The following GALNTL6 variants were observed in gnomAD, a reference collection of about 807,000 sequenced individuals.
The protein encoded by GALNTL6 is polypeptide N-acetylgalactosaminyltransferase-like 6.
GALNTL6 carries 46 observed loss-of-function variants against 73.7 expected under a neutral mutation model. The ratio of observed to expected loss-of-function variants is 0.62; its 90% CI spans 0.49 to 0.80. The LOEUF is 0.80. Among genes scored for constraint, GALNTL6 ranks in the 30% least tolerant of loss-of-function variants. GALNTL6 has a pLI of 0.00. For synonymous variants in GALNTL6, 259 were observed against 263.7 expected (o/e 0.98, Z 0.17); for missense variants, 604 against 755.0 (o/e 0.80, Z 2.34).
At chr4:172,460,537 C>G (rs1423016996) in intron 5 of GALNTL6, among the ~76,000 whole-genome samples, 1 of 151,946 alleles carries the variant, frequency 6.6e-6, no homozygotes, top group Non-Finnish European at 1.5e-5. Flanking sequence ...AAAGACAACC[C>G]CATCAAAAAG....
At position 171,821,511 on chromosome 4, in the gene GALNTL6, A is replaced by G. The variant is rs185013866; in HGVS notation, c.138+6793A>G. On this transcript the variant is annotated intron_variant, in intron 2 of 12. Transcript: ENST00000506823. ...TCTGGCTTAGTATGTTGTGACATTT[A>G]AGAACTTATGGCTCTTCCCTGGATC... Among the ~76,000 whole-genome samples the G allele has an allele frequency of 5.3e-5, 8 of 152,226 alleles. No homozygotes were observed. The East Asian group carries it at 1.5e-3, about 29-fold the overall frequency.
At chr4:171,998,507 C>T (rs549803104) in intron 2 of GALNTL6, among the ~76,000 whole-genome samples, 30 of 152,180 alleles carry the variant, frequency 2.0e-4, no homozygotes, top group African/African-American at 7.0e-4. Context: ...CCTCTTTAAA[C>T]GTCCTATCTC....
intron 5 of GALNTL6, among the ~76,000 whole-genome samples, chr4:172,579,420 A>C (rs575697255): frequency 6.6e-6 from 1 of 152,278 alleles, no homozygotes; most frequent in East Asian, 1.9e-4. Flanking sequence ...GTATCATGGC[A>C]GATAGTAAAG....
intron 5 of GALNTL6, among the ~76,000 whole-genome samples, chr4:172,404,117 C>T (rs1478401384): frequency 1.3e-5 from 2 of 151,818 alleles, no homozygotes; most frequent in Non-Finnish European, 2.9e-5. Flanking sequence ...TATATACATA[C>T]CCTTAGTTTA....
intron 5 of GALNTL6, among the ~76,000 whole-genome samples, chr4:172,718,774 G>A (rs1397737206): frequency 6.6e-6 from 1 of 152,086 alleles, no homozygotes; most frequent in Non-Finnish European, 1.5e-5. Flanking sequence ...AGAATCTCAG[G>A]ATTTAGGAGT....
intron 4 of GALNTL6, among the ~76,000 whole-genome samples, chr4:172,345,578 C>G (rs1305778766): frequency 6.6e-6 from 1 of 152,068 alleles, no homozygotes; most frequent in Non-Finnish European, 1.5e-5. Flanking sequence ...AGAGTGTTGC[C>G]TATTTGACCA....
At chr4:172,399,631 T>G (rs1350453752) in intron 5 of GALNTL6, among the ~76,000 whole-genome samples, 1 of 152,092 alleles carries the variant, frequency 6.6e-6, no homozygotes, top group East Asian at 1.9e-4. Flanking sequence ...AAATATTATT[T>G]CTTATCTATT....
intron 5 of GALNTL6, among the ~76,000 whole-genome samples, chr4:172,590,797 A>G (rs1276111644): frequency 6.6e-6 from 1 of 152,018 alleles, no homozygotes; most frequent in Non-Finnish European, 1.5e-5. Flanking sequence ...AAAATTCAAC[A>G]CTTTTCTGAC....
chr4:172,294,957 A>G (rs1739614280), intron 3 of GALNTL6, among the ~76,000 whole-genome samples: 1 of 152,210 alleles, frequency 6.6e-6, no homozygotes, highest in South Asian at 2.1e-4. Flanking sequence ...TTCATAGCAA[A>G]TTCTTAACAT....
chr4:172,122,874 T>C (rs532161856), intron 2 of GALNTL6, among the ~76,000 whole-genome samples: 61 of 151,872 alleles, frequency 4.0e-4, no homozygotes, highest in South Asian at 8.4e-4. Context: ...CATAAAAAGG[T>C]TGGACTGGAG....
At chr4:172,230,793 A>G (rs1737036782) in intron 3 of GALNTL6, among the ~76,000 whole-genome samples, 4 of 152,112 alleles carry the variant, frequency 2.6e-5, no homozygotes, top group Admixed American at 2.6e-4. Flanking sequence ...CAGTTTGGTA[A>G]AGACATCTCA....
chr4:172,880,400 A>AC (rs1239814970), intron 7 of GALNTL6, among the ~76,000 whole-genome samples: 106 of 152,158 alleles, frequency 7.0e-4, no homozygotes, highest in African/African-American at 2.3e-3. Context: ...AAGAAGACAG[A>AC]CCCCCCAAAA....
chr4:171,912,490 A>G (rs1256201774), intron 2 of GALNTL6, among the ~76,000 whole-genome samples: 1 of 152,208 alleles, frequency 6.6e-6, no homozygotes, highest in Non-Finnish European at 1.5e-5. Context: ...ACAATATGTG[A>G]TGATAAAATC....
intron 7 of GALNTL6, among the ~76,000 whole-genome samples, chr4:172,869,258 G>A (rs1296814107): frequency 6.6e-6 from 1 of 152,170 alleles, no homozygotes; most frequent in Non-Finnish European, 1.5e-5. Flanking sequence ...TTAAAATGAT[G>A]AATATAAATC....
chr4:172,680,846 G>T (rs570865516), intron 5 of GALNTL6, among the ~76,000 whole-genome samples: 2 of 152,286 alleles, frequency 1.3e-5, no homozygotes, highest in South Asian at 2.1e-4. Flanking sequence ...GAATGCAAGG[G>T]TTACAAAACA....
intron 9 of GALNTL6, among the ~76,000 whole-genome samples, chr4:172,934,871 A>G (rs1376520403): frequency 6.6e-6 from 1 of 152,178 alleles, no homozygotes; most frequent in Non-Finnish European, 1.5e-5. Context: ...CTCAAAGAAG[A>G]GATTCTTCTC....
At chr4:172,854,226 T>G (rs1175142604) in intron 7 of GALNTL6, among the ~76,000 whole-genome samples, 2 of 152,158 alleles carry the variant, frequency 1.3e-5, no homozygotes, top group Non-Finnish European at 2.9e-5. Flanking sequence ...TTGGCCCATA[T>G]CCTACTCTAA....
At position 172,771,756 on chromosome 4, in the gene GALNTL6, TG is replaced by T. The variant is rs564459839; in HGVS notation, c.554-37602del. Among the ~76,000 whole-genome samples, 3 of 152,180 alleles carry T rather than the reference TG, an allele frequency of 2.0e-5. No homozygotes were observed. In the South Asian group the frequency reaches 6.2e-4, roughly 32 times the overall value. On this transcript the variant is annotated intron_variant, in intron 5 of 12. Coordinates refer to ENST00000506823, the MANE Select transcript of GALNTL6 (RefSeq NM_001034845.3). ...CAGACCTACTGTATATAGATGTCTATGGGTTAAGTTTAAGAATTCTTGAGTG... is the reference window on the plus strand; with the variant it reads ...CAGACCTACTGTATATAGATGTCTATGGTTAAGTTTAAGAATTCTTGAGTG...
intron 2 of GALNTL6, among the ~76,000 whole-genome samples, chr4:171,900,330 C>T (rs1737047383): frequency 1.3e-5 from 2 of 152,080 alleles, no homozygotes; most frequent in African/African-American, 4.8e-5. Flanking sequence ...ATTTTTGAGA[C>T]AGAGTCTCAC....
Sources: allele counts gnomAD v4.1 joint callset (sites outside exome capture counted in the v4.1 genomes callset), GRCh38; gene constraint gnomAD v4.1.1; transcripts MANE v1.5; gene names NCBI Gene and HGNC (gene_info 2026-07-23, HGNC 2026-07-21).